Variants in KDELR2 observed in about 807,000 individuals in gnomAD.
KDELR2 encodes the protein ER lumen protein-retaining receptor 2.
Under a neutral mutation model 23.9 loss-of-function variants are expected in KDELR2, and 15 were observed. The ratio of observed to expected loss-of-function variants is 0.63; its 90% confidence interval spans 0.42 to 0.97. The LOEUF is 0.97. KDELR2 is among the 50% of genes least tolerant of loss of function. The probability of loss-of-function intolerance (pLI) is 0.00; values close to 1 mark genes in which losing one functional copy is unlikely to be tolerated. For synonymous variants in KDELR2, 119 were observed against 106.2 expected, an observed-to-expected ratio of 1.12 and a Z score of -0.74; for missense variants, 272 against 254.6, an observed-to-expected ratio of 1.07 and a Z score of -0.46.
intron 1 of KDELR2, among the ~76,000 whole-genome samples, chr7:6,476,296 G>A (rs1178196482): frequency 1.3e-5 from 1 of 76,296 alleles, no homozygotes; most frequent in East Asian, 2.5e-4. Flanking sequence ...AGGAGACACG[G>A]ACAGTGAATC....
At chr7:6,483,063 T>C (rs948974695) in intron 1 of KDELR2, among the ~76,000 whole-genome samples, 2 of 151,578 alleles carry the variant, frequency 1.3e-5, no homozygotes, top group Admixed American at 1.3e-4. Flanking sequence ...ATTAACGAAA[T>C]GTAAAAGTCC....
intron 2 of KDELR2, among the ~76,000 whole-genome samples, chr7:6,471,440 A>G (rs1785639654): frequency 6.6e-6 from 1 of 152,094 alleles, no homozygotes; most frequent in Non-Finnish European, 1.5e-5. Context: ...TCGGCTTCCC[A>G]AAGTGCTGGG....
chr7:6,466,568 T>C (rs1785509165), intron 3 of KDELR2, among the ~76,000 whole-genome samples: 1 of 152,128 alleles, frequency 6.6e-6, no homozygotes, highest in South Asian at 2.1e-4. Flanking sequence ...GGTTTCGGGA[T>C]GATTCAAGCA....
chr7:6,462,239 CTGTT>C lies in KDELR2; in HGVS notation c.*898_*901del, dbSNP rs1785404782. On this transcript the variant is annotated 3_prime_UTR_variant, in exon 5 of 5. Transcript: ENST00000258739. The stretch of plus-strand genomic sequence containing the variant: ...TACCACCCAAAAGTGATATGGAAAA[CTGTT>C]TGAATCTGAGCATGGACATGGTTGT... 1 of 151,850 alleles carries C rather than the reference CTGTT, an allele frequency of 6.6e-6. No individual in the cohort carries two copies. The highest frequency in any genetic ancestry group is 2.4e-5 in the African/African-American group (1 of 41,322). The allele number at this position is 151,850 out of a possible 1,614,324, so 9.4% of individuals were successfully genotyped here. A position where few individuals can be genotyped will look rare whatever the true frequency, so the allele number is the denominator to read the frequency against.
chr7:6,468,556 A>C (rs570402699), intron 3 of KDELR2, among the ~76,000 whole-genome samples: 3 of 151,968 alleles, frequency 2.0e-5, no homozygotes, highest in East Asian at 1.9e-4. Flanking sequence ...CCAAGGCTGG[A>C]GTGCAGTAGC....
At chr7:6,470,021 G>T in intron 2 of KDELR2, 1 of 290,388 alleles carries the variant, frequency 3.4e-6, no homozygotes, top group South Asian at 6.5e-5. Flanking sequence ...ACTCCCCCAG[G>T]CTTCCTTCAC....
At chr7:6,480,289 C>T (rs1209022688) in intron 1 of KDELR2, among the ~76,000 whole-genome samples, 1 of 152,164 alleles carries the variant, frequency 6.6e-6, no homozygotes, top group Non-Finnish European at 1.5e-5. Context: ...AATAGGAAGC[C>T]CTTCATCTAA....
chr7:6,463,084 G>A lies in KDELR2; in HGVS notation c.*57C>T, dbSNP rs1316606613. The A allele has an allele frequency of 6.2e-7, 1 of 1,614,144 alleles. No homozygotes were observed. The highest frequency in any genetic ancestry group is 1.1e-5 in the South Asian group (1 of 91,080). On this transcript the variant is annotated 3_prime_UTR_variant, in exon 5 of 5. Coordinates refer to ENST00000258739, the MANE Select transcript of KDELR2 (RefSeq NM_006854.4). ...ATCAAGCATCTTATGCCTTTGCTGT[G>A]GTAAGAATTCTGTCCGAGCACCCTG...
intron 2 of KDELR2, among the ~76,000 whole-genome samples, chr7:6,471,444 T>C (rs1421644243): frequency 6.6e-6 from 1 of 152,054 alleles, no homozygotes; most frequent in African/African-American, 2.4e-5. Flanking sequence ...CTTCCCAAAG[T>C]GCTGGGATTA....
rs770421080 is a variant in KDELR2, at chr7:6,462,508, A to T, written c.*633T>A. ...GACTCTTCAGTGAGACTCCATCGAC[A>T]TTCAGAATCTTAAAATGTTGGTAAT... On this transcript the variant is annotated 3_prime_UTR_variant, in exon 5 of 5. Coordinates refer to ENST00000258739, the MANE Select transcript of KDELR2 (RefSeq NM_006854.4). 1.2e-5 allele frequency: 2 copies of T among 160,032 alleles called. No individual in the cohort carries two copies. Among genetic ancestry groups the T allele is most frequent in the Non-Finnish European group, 2.7e-5 (2 of 73,448 alleles). 9.9% of individuals were successfully genotyped at this position (160,032 alleles called of 1,614,324 possible). A position where few individuals can be genotyped will look rare whatever the true frequency, so the allele number is the denominator to read the frequency against.
At position 6,462,995 on chromosome 7, in the gene KDELR2, C is replaced by A. The variant is rs1294934513; in HGVS notation, c.*146G>T. On this transcript the variant is annotated 3_prime_UTR_variant, in exon 5 of 5. Coordinates refer to ENST00000258739, the MANE Select transcript of KDELR2 (RefSeq NM_006854.4). ...ACAGAAACCTTCTGGCTCTTTTCCT[C>A]TGCGTTTTTACAGAGCCACTGATGA... 6.2e-7 allele frequency: 1 copy of A among 1,614,028 alleles called. No individual in the cohort carries two copies. Among genetic ancestry groups the A allele is most frequent in the Non-Finnish European group, 8.5e-7 (1 of 1,179,978 alleles).
intron 1 of KDELR2, among the ~76,000 whole-genome samples, chr7:6,479,792 T>C (rs993386247): frequency 2.0e-5 from 3 of 152,220 alleles, no homozygotes; most frequent in Non-Finnish European, 4.4e-5. Context: ...CAAAAACTTT[T>C]AATAGCTACA....
At chr7:6,474,161 T>C (rs1427531987) in intron 2 of KDELR2, 23 bp downstream of exon 2, 1 of 1,417,324 alleles carries the variant, frequency 7.1e-7, no homozygotes, top group East Asian at 2.3e-5. Context: ...ATGAAATACA[T>C]TCCTGTGGAT....
intron 1 of KDELR2, among the ~76,000 whole-genome samples, chr7:6,480,603 T>C (rs937687420): frequency 5.3e-5 from 8 of 152,166 alleles, no homozygotes; most frequent in African/African-American, 1.7e-4. Flanking sequence ...CTGATCCTTA[T>C]GGGGTAAAAA....
In KDELR2 at chr7:6,483,957, CG is replaced by C. The variant is rs751724941; in HGVS notation, c.91+9del. On this transcript the variant is annotated intron_variant, in intron 1 of 4. Coordinates refer to ENST00000258739, the MANE Select transcript of KDELR2 (RefSeq NM_006854.4). ...GCCCGAGCCTCTCCGGGCCTTCCCC[CG>C]CCGCTCACCGGCGCAGGAGCGCGTC... is the stretch of plus-strand genomic sequence containing the variant. The C allele has an allele frequency of 1.2e-5, 18 of 1,506,502 alleles. No homozygotes were observed. The Admixed American group carries it at 2.0e-4, about 17-fold the overall frequency. 93.3% of individuals were successfully genotyped at this position (1,506,502 alleles called of 1,614,324 possible). A position where few individuals can be genotyped will look rare whatever the true frequency, so the allele number is the denominator to read the frequency against.
intron 1 of KDELR2, among the ~76,000 whole-genome samples, chr7:6,477,616 A>AC (rs1785782523): frequency 6.6e-6 from 1 of 152,252 alleles, no homozygotes; most frequent in Non-Finnish European, 1.5e-5. Flanking sequence ...TCATTAAACA[A>AC]CATCATTCTT....
At chr7:6,483,132 C>T (rs1402913058) in intron 1 of KDELR2, among the ~76,000 whole-genome samples, 1 of 152,194 alleles carries the variant, frequency 6.6e-6, no homozygotes, top group Non-Finnish European at 1.5e-5. Context: ...TGCATGAAAT[C>T]TGTACTCTTG....
chr7:6,466,510 C>T (rs1009652279), intron 3 of KDELR2, among the ~76,000 whole-genome samples, 187 bp from the exon 4 acceptor site: 3 of 152,030 alleles, frequency 2.0e-5, no homozygotes, highest in South Asian at 2.1e-4. Flanking sequence ...CACCAGTGAT[C>T]GGTTTCATAG....
intron 3 of KDELR2, 55 bp from the exon 4 acceptor site, chr7:6,466,378 AG>A: frequency 6.3e-7 from 1 of 1,591,134 alleles, no homozygotes; most frequent in Non-Finnish European, 8.6e-7. Flanking sequence ...AGGAGCTCAG[AG>A]GAAACACTCT....
Sources: allele counts gnomAD v4.1 joint callset (sites outside exome capture counted in the v4.1 genomes callset), GRCh38; gene constraint gnomAD v4.1.1; transcripts MANE v1.5; gene names NCBI Gene and HGNC (gene_info 2026-07-23, HGNC 2026-07-21).